RSPH1: variants seen among roughly 807,000 people sequenced by gnomAD.
RSPH1 encodes the protein radial spoke head component 1, also known as radial spoke head 1 homolog.
A neutral mutation model predicts 44.2 loss-of-function variants in RSPH1; 32 were observed. The observed-to-expected ratio is 0.72, with a 90% CI of 0.55 to 0.97. The LOEUF is 0.97. Among genes scored for constraint, RSPH1 ranks in the 50% least tolerant of loss-of-function variants. The pLI, the probability that RSPH1 is intolerant of heterozygous loss-of-function variation, is 0.00. For missense variants in RSPH1, 391 were observed against 398.7 expected (o/e 0.98, Z 0.16); for synonymous variants, 134 against 147.3 (o/e 0.91, Z 0.65).
Position 42,493,037 on chromosome 21 carries a change from G to A in RSPH1, c.97C>T (p.Arg33Cys), listed in dbSNP as rs758004402. 32 of 1,614,116 alleles carry A rather than the reference G, an allele frequency of 2.0e-5. No individual in the cohort carries two copies. Among genetic ancestry groups the A allele is most frequent in the South Asian group, 1.3e-4 (12 of 91,080 alleles). ...CCGTTGGGTAGCCGTGCCCTCCCAC[G>A]TCCGTGCCTTTCGCCTGCCTCATTC... The part of the protein sequence containing the change: ...GRNEAGERHG[R>C]GRARLPNGDT... Residue 33 changes from arginine to cysteine, a missense_variant, in exon 2 of 9, where the codon CGT becomes TGT. Arg to Cys is a radical substitution (Grantham distance 180). Transcript: ENST00000291536.
rs764341739 is a variant in RSPH1 at position 42,477,457 on chromosome 21, C to A, written c.574-13G>T. On this transcript the variant is annotated splice_polypyrimidine_tract_variant and intron_variant, in intron 6 of 8. Transcript: ENST00000291536. ...CTTCTCCTCTTTCCTATTTTAAGTGCAAAAATGTACATTTACCAACATTTG... is the reference window on the plus strand; with the variant it reads ...CTTCTCCTCTTTCCTATTTTAAGTGAAAAAATGTACATTTACCAACATTTG... The A allele has an allele frequency of 1.9e-5, 30 of 1,611,388 alleles. No individual in the cohort carries two copies. The South Asian group carries it at 3.2e-4, about 17-fold the overall frequency.
At chr21:42,487,340 C>T (rs965684376) in intron 3 of RSPH1, among the ~76,000 whole-genome samples, 12 of 152,192 alleles carry the variant, frequency 7.9e-5, no homozygotes, top group Admixed American at 2.6e-4. Context: ...CTCTTAAAAA[C>T]GTGCATATTA....
At chr21:42,487,332 C>T (rs781522687) in intron 3 of RSPH1, among the ~76,000 whole-genome samples, 1 of 152,208 alleles carries the variant, frequency 6.6e-6, no homozygotes, top group African/African-American at 2.4e-5. Flanking sequence ...GGTGACTGCT[C>T]TTAAAAACGT....
In RSPH1 at chr21:42,493,083, G is replaced by C. The variant is rs1196582041; in HGVS notation, c.55-4C>G. On this transcript the variant is annotated splice_region_variant and splice_polypyrimidine_tract_variant and intron_variant, in intron 1 of 8. Transcript: ENST00000291536. ...CATTCCGACCCCCCTCATATTCCTG[G>C]GTAATGAAAATTGACACAATTACAG... 62 of 1,611,652 alleles carry C rather than the reference G, an allele frequency of 3.8e-5. No homozygotes were observed. Among genetic ancestry groups the C allele is most frequent in the Non-Finnish European group, 5.2e-5 (61 of 1,178,492 alleles).
intron 3 of RSPH1, among the ~76,000 whole-genome samples, chr21:42,489,059 G>A (rs1227565716): frequency 6.6e-6 from 1 of 151,878 alleles, no homozygotes; most frequent in Non-Finnish European, 1.5e-5. Context: ...CTGGTTGGCT[G>A]GTTGGTTAGT....
At chr21:42,478,373 T>A (rs1489524538) in intron 6 of RSPH1, among the ~76,000 whole-genome samples, 1 of 152,240 alleles carries the variant, frequency 6.6e-6, no homozygotes, top group Non-Finnish European at 1.5e-5. Context: ...ACACCAATGC[T>A]GCAGGACAGG....
intron 4 of RSPH1, 129 bp from the exon 5 acceptor site, chr21:42,485,933 ATC>A: frequency 8.6e-7 from 1 of 1,164,948 alleles, no homozygotes; most frequent in Non-Finnish European, 1.2e-6. Flanking sequence ...TAGCTTCTAT[ATC>A]TGTGTCCAGT....
chr21:42,480,084 C>A (rs1040378067), intron 6 of RSPH1, among the ~76,000 whole-genome samples: 10 of 152,296 alleles, frequency 6.6e-5, no homozygotes, highest in Admixed American at 1.3e-4. Flanking sequence ...CCATGAGCAA[C>A]CATGGGCTGT....
At chr21:42,488,738 C>T (rs1276213919) in intron 3 of RSPH1, among the ~76,000 whole-genome samples, 1 of 152,186 alleles carries the variant, frequency 6.6e-6, no homozygotes, top group African/African-American at 2.4e-5. Flanking sequence ...AATGCCACCA[C>T]AGGGACCCTG....
chr21:42,494,891 G>T (rs532807620), intron 1 of RSPH1, among the ~76,000 whole-genome samples: 17 of 152,106 alleles, frequency 1.1e-4, no homozygotes, highest in African/African-American at 3.1e-4. Context: ...GTAGAGACAG[G>T]GTTTCACCGT....
Position 42,492,831 on chromosome 21 carries a change from A to C in RSPH1, c.201T>G (p.Tyr67Ter). Reference sequence around the variant, plus strand: ...TTTTATTTCTAACATATTCTCCGATATATCGAGCACCATTTTTAAATTTGT... The same window carrying C: ...TTTTATTTCTAACATATTCTCCGATCTATCGAGCACCATTTTTAAATTTGT... ...GIYKFKNGAR[Y>*]IGEYVRNKKH... The change falls in exon 3 of 9, where the codon TAT becomes TAG. Residue 67 changes from tyrosine (Y) to a stop codon, truncating the protein, a stop_gained. Transcript: ENST00000291536. LOFTEE classifies it high-confidence loss of function. 1 of 1,613,360 alleles carries C rather than the reference A, an allele frequency of 6.2e-7. No individual in the cohort carries two copies. The highest frequency in any genetic ancestry group is 8.5e-7 in the Non-Finnish European group (1 of 1,179,256).
intron 3 of RSPH1, among the ~76,000 whole-genome samples, chr21:42,490,258 G>A (rs991831435): frequency 2.0e-5 from 3 of 152,150 alleles, no homozygotes; most frequent in Non-Finnish European, 4.4e-5. Context: ...TCCCTAATTG[G>A]ACTTGTGTGA....
intron 4 of RSPH1, chr21:42,486,029 C>A: frequency 1.6e-6 from 1 of 612,082 alleles, no homozygotes; most frequent in Non-Finnish European, 2.8e-6. Context: ...CAGAGGCAAG[C>A]CTCCTGTGTG....
At chr21:42,485,434 GTGGGAATTTGTAC>G in intron 5 of RSPH1, 1 of 557,580 alleles carries the variant, frequency 1.8e-6, no homozygotes. Flanking sequence ...CTGAAAGACA[GTGGGAATTTGTAC>G]TGAGATCCAG....
intron 3 of RSPH1, among the ~76,000 whole-genome samples, chr21:42,491,178 G>A (rs954626503): frequency 2.6e-5 from 4 of 152,146 alleles, no homozygotes; most frequent in African/African-American, 7.2e-5. Context: ...ATTTGTAGCC[G>A]AGTCAGGTAG....
Position 42,472,834 on chromosome 21 carries a change from G to C in RSPH1, c.914C>G (p.Ser305Ter). 1 of 1,610,044 alleles carries C rather than the reference G, an allele frequency of 6.2e-7. No individual in the cohort carries two copies. The highest frequency in any genetic ancestry group is 8.5e-7 in the Non-Finnish European group (1 of 1,176,454). The change falls in exon 9 of 9, where the codon TCA becomes TGA. Residue 305 changes from serine to a stop codon, truncating the protein, a stop_gained. Coordinates refer to ENST00000291536, the MANE Select transcript of RSPH1 (RefSeq NM_080860.4). LOFTEE classifies it high-confidence loss of function. Reference sequence around the variant, plus strand: ...CACTTCATCTTAGTCCTGGAGGTCTGACTGTCTAGTTTCTTCTTCTTCAGA... The same window carrying C: ...CACTTCATCTTAGTCCTGGAGGTCTCACTGTCTAGTTTCTTCTTCTTCAGA... Reference protein sequence around the residue: ...INSEEEETRQSDLQD With the variant: ...INSEEEETRQ
chr21:42,495,592 G>A (rs536559079), intron 1 of RSPH1, among the ~76,000 whole-genome samples: 3 of 152,318 alleles, frequency 2.0e-5, no homozygotes, highest in Admixed American at 6.5e-5. Flanking sequence ...GGTCAGTTCA[G>A]ATGGGGACTG....
At chr21:42,482,601 T>C in intron 6 of RSPH1, 36 bp downstream of exon 6, 1 of 1,498,190 alleles carries the variant, frequency 6.7e-7, no homozygotes, top group East Asian at 2.3e-5. Context: ...TACTTCCCTG[T>C]TAATGTAACA....
At chr21:42,480,833 G>T (rs995345939) in intron 6 of RSPH1, among the ~76,000 whole-genome samples, 2 of 152,032 alleles carry the variant, frequency 1.3e-5, no homozygotes, top group Admixed American at 6.6e-5. Context: ...AGGATCTCCC[G>T]CAGCCTTCCA....
Sources: gnomAD v4.1 joint callset for allele counts (sites outside exome capture counted in the v4.1 genomes callset) on GRCh38, gnomAD v4.1.1 for gene constraint, MANE v1.5 for transcripts, NCBI Gene and HGNC (gene_info 2026-07-23, HGNC 2026-07-21) for gene names.